The following TENM4 variants were observed in gnomAD, a reference collection of about 807,000 sequenced individuals.
TENM4 encodes the protein teneurin transmembrane protein 4, also known as teneurin-4.
A neutral mutation model predicts 243.3 loss-of-function variants in TENM4; 82 were observed. The observed-to-expected ratio is 0.34, with a 90% CI of 0.28 to 0.40. TENM4 has a LOEUF of 0.40. TENM4 is among the 10% of genes least tolerant of loss of function. The probability of loss-of-function intolerance (pLI) is 1.00; values close to 1 mark genes in which losing one functional copy is unlikely to be tolerated. For synonymous variants in TENM4, 1,412 were observed against 1,456.3 expected (o/e 0.97, Z 0.69); for missense variants, 3,138 against 3,673.3 (o/e 0.85, Z 3.77).
chr11:79,237,180 A>C (rs540677849), intron 2 of TENM4, among the ~76,000 whole-genome samples: 1 of 146,376 alleles, frequency 6.8e-6, no homozygotes, highest in East Asian at 1.9e-4. Context: ...CTTAAAGAGA[A>C]GAGATTTTTT....
chr11:78,759,769 A>G (rs553449805), intron 18 of TENM4, among the ~76,000 whole-genome samples: 1 of 152,364 alleles, frequency 6.6e-6, no homozygotes, highest in Non-Finnish European at 1.5e-5. Flanking sequence ...TCTATGAAGT[A>G]GCCACTGTTG....
intron 4 of TENM4, among the ~76,000 whole-genome samples, chr11:79,087,884 A>C (rs1860847958): frequency 6.6e-6 from 1 of 152,170 alleles, no homozygotes; most frequent in African/African-American, 2.4e-5. Flanking sequence ...CACGCACTAC[A>C]GTGGGCTCTT....
rs143172672 is a variant in TENM4 at position 78,934,731 on chromosome 11, G to A, written c.494-31208C>T. 5.7e-3 allele frequency among the ~76,000 whole-genome samples: 875 copies of A among 152,298 alleles called. 2 individuals are homozygous for A. The highest frequency in any genetic ancestry group is 0.014 in the Middle Eastern group (4 of 294). On this transcript the variant is annotated intron_variant, in intron 6 of 33. Coordinates refer to ENST00000278550, the MANE Select transcript of TENM4 (RefSeq NM_001098816.3). ...TTTTATATTAGTTCATAAAGTAGGCGGTGGGAGATGTGTTAATAGTTTTCA... is the reference window on the plus strand; with the variant it reads ...TTTTATATTAGTTCATAAAGTAGGCAGTGGGAGATGTGTTAATAGTTTTCA...
chr11:78,658,819 G>A lies in TENM4; in HGVS notation c.7552-3C>T. On this transcript the variant is annotated splice_region_variant and splice_polypyrimidine_tract_variant and intron_variant, in intron 33 of 33. Transcript: ENST00000278550. ...TCACACTGTACCCCGAGGATAGACT[G>A]ATGGGGGAGGAGAGTGAGAGAGAGA... is the stretch of plus-strand genomic sequence containing the variant. 1 of 1,605,824 alleles carries A rather than the reference G, an allele frequency of 6.2e-7. No individual in the cohort carries two copies. Among genetic ancestry groups the A allele is most frequent in the Non-Finnish European group, 8.5e-7 (1 of 1,173,972 alleles).
At chr11:79,341,646 A>ACC (rs1382247256) in intron 1 of TENM4, among the ~76,000 whole-genome samples, 7 of 152,208 alleles carry the variant, frequency 4.6e-5, no homozygotes, top group Non-Finnish European at 1.0e-4. Context: ...GCCTCCAACA[A>ACC]CTGTAGAATG....
At chr11:78,704,034 TACACACACACACACAC>T (rs375601895) in intron 27 of TENM4, among the ~76,000 whole-genome samples, 48 of 138,272 alleles carry the variant, frequency 3.5e-4, no homozygotes, top group Admixed American at 3.1e-3. Context: ...CATATATATA[TACACACACACACACAC>T]ACACACACAC....
chr11:79,192,027 GAGGAGCCCCTCTGCCCAGCC>G lies in TENM4; in HGVS notation c.-163+23761_-163+23780del, dbSNP rs575835146. Among the ~76,000 whole-genome samples the G allele has an allele frequency of 4.0e-3, 601 of 151,652 alleles. 8 individuals are homozygous for G. Among genetic ancestry groups the G allele is most frequent in the South Asian group, 0.039 (187 of 4,766 alleles). The stretch of plus-strand genomic sequence containing the variant: ...TGCCCGGCTGCCCCTACTGGGAAGT[GAGGAGCCCCTCTGCCCAGCC>G]AGGAGCCCCTCTGCCCAGCCAGCCG... On this transcript the variant is annotated intron_variant, in intron 3 of 33. Transcript: ENST00000278550.
In TENM4 at chr11:79,380,159, C is replaced by T. The variant is rs578049569; in HGVS notation, c.-321+60350G>A. On this transcript the variant is annotated intron_variant, in intron 1 of 33. Transcript: ENST00000278550. ...CCTTTTATAAAAGGAGGTGTGATGGCAACATCTCCAGAAATGCAGCAAATG... is the reference window on the plus strand; with the variant it reads ...CCTTTTATAAAAGGAGGTGTGATGGTAACATCTCCAGAAATGCAGCAAATG... Among the ~76,000 whole-genome samples the T allele has an allele frequency of 4.6e-5, 7 of 152,284 alleles. No individual in the cohort carries two copies. The East Asian group carries it at 1.2e-3, about 25-fold the overall frequency.
chr11:79,412,388 G>A (rs1858720043), intron 1 of TENM4, among the ~76,000 whole-genome samples: 2 of 152,168 alleles, frequency 1.3e-5, no homozygotes, highest in African/African-American at 4.8e-5. Context: ...GACAGTTGGG[G>A]TCCACCAGTT....
At chr11:79,184,057 A>G (rs1214489006) in intron 3 of TENM4, among the ~76,000 whole-genome samples, 2 of 152,222 alleles carry the variant, frequency 1.3e-5, no homozygotes, top group African/African-American at 4.8e-5. Context: ...TTGTACATCT[A>G]TGTTCACAGG....
At chr11:78,675,732 A>G (rs1051330473) in intron 30 of TENM4, among the ~76,000 whole-genome samples, 1 of 152,180 alleles carries the variant, frequency 6.6e-6, no homozygotes, top group Non-Finnish European at 1.5e-5. Flanking sequence ...ATGGTAATAA[A>G]TCATAACAAT....
intron 6 of TENM4, among the ~76,000 whole-genome samples, chr11:78,966,313 A>G (rs868565006): frequency 1.3e-5 from 2 of 152,228 alleles, no homozygotes; most frequent in African/African-American, 4.8e-5. Context: ...CAGCCAGTAA[A>G]TACCTATAAT....
At chr11:79,158,386 G>A (rs1364674945) in intron 3 of TENM4, among the ~76,000 whole-genome samples, 3 of 152,144 alleles carry the variant, frequency 2.0e-5, no homozygotes, top group African/African-American at 7.2e-5. Context: ...TAAGATGGCT[G>A]GGGTTGAGCC....
intron 1 of TENM4, among the ~76,000 whole-genome samples, chr11:79,357,349 A>G (rs7932890): frequency 0.18 from 27,637 of 152,232 alleles, 2,730 homozygotes; most frequent in African/African-American, 0.26. Flanking sequence ...GGCCACTTTC[A>G]TAGCCAACTC....
At chr11:79,079,831 CAA>C (rs34296723) in intron 4 of TENM4, among the ~76,000 whole-genome samples, 22 of 114,594 alleles carry the variant, frequency 1.9e-4, no homozygotes, top group Admixed American at 3.7e-4. Context: ...CACTTTGTTT[CAA>C]AAAAAAAAAA....
intron 3 of TENM4, chr11:79,191,595 G>A (rs1196614905): frequency 1.8e-5 from 3 of 170,466 alleles, no homozygotes; most frequent in East Asian, 1.9e-4. Context: ...CCCATCGTCT[G>A]GGATGTGAGG....
chr11:78,892,226 GA>G (rs1383458046), intron 7 of TENM4, among the ~76,000 whole-genome samples: 1 of 152,224 alleles, frequency 6.6e-6, no homozygotes. Flanking sequence ...TCTGCTGAGT[GA>G]CATGATTCAC....
chr11:79,074,347 C>T (rs150873855), intron 4 of TENM4, among the ~76,000 whole-genome samples: 11 of 151,770 alleles, frequency 7.2e-5, no homozygotes, highest in South Asian at 4.2e-4. Context: ...TGGAGCCCCC[C>T]GGCAGAAGGA....
chr11:78,994,644 C>G (rs559412706), intron 6 of TENM4, among the ~76,000 whole-genome samples: 42 of 152,252 alleles, frequency 2.8e-4, no homozygotes, highest in Middle Eastern at 6.8e-3. Context: ...TAGTCCAATT[C>G]CAGTTATTCT....
Sources: gnomAD v4.1 joint callset for allele counts (sites outside exome capture counted in the v4.1 genomes callset) on GRCh38, gnomAD v4.1.1 for gene constraint, MANE v1.5 for transcripts, NCBI Gene and HGNC (gene_info 2026-07-23, HGNC 2026-07-21) for gene names.